Variants in DCDC1 observed in about 807,000 individuals in gnomAD.
DCDC1 encodes doublecortin domain-containing protein 1.
Under a neutral mutation model 178.3 loss-of-function variants are expected in DCDC1, and 200 were observed. The observed-to-expected ratio is 1.12, with a 90% confidence interval of 1.00 to 1.26. DCDC1 has a LOEUF of 1.26. Among genes scored for constraint, DCDC1 ranks in the 50% most tolerant of loss-of-function variants. The pLI, the probability that DCDC1 is intolerant of heterozygous loss-of-function variation, is 0.00. For missense variants in DCDC1, 1,983 were observed against 1,749.2 expected, an observed-to-expected ratio of 1.13 and a Z score of -2.38; for synonymous variants, 690 against 604.8, an observed-to-expected ratio of 1.14 and a Z score of -2.07.
chr11:31,306,179 A>G, intron 5 of DCDC1, 53 bp downstream of exon 5: 2 of 1,392,032 alleles, frequency 1.4e-6, no homozygotes, highest in East Asian at 5.2e-5. Context: ...TTATATTATA[A>G]AGAGAGTAAG....
Position 31,164,500 on chromosome 11 carries a change from C to G in DCDC1, c.1222-26716G>C, listed in dbSNP as rs529458051. Among the ~76,000 whole-genome samples the G allele has an allele frequency of 1.1e-3, 163 of 152,124 alleles. 2 individuals are homozygous for G. The highest frequency in any genetic ancestry group is 3.6e-3 in the African/African-American group (151 of 41,492). On this transcript the variant is annotated intron_variant, in intron 9 of 38. Transcript: ENST00000684477. ...GACAGTGTTATTGATCATCCTGACCCTGAATAGGCCCAGCCTAATATGTGT... is the reference window on the plus strand; with the variant it reads ...GACAGTGTTATTGATCATCCTGACCGTGAATAGGCCCAGCCTAATATGTGT...
At position 31,290,773 on chromosome 11, in the gene DCDC1, G is replaced by C; in HGVS notation, c.834C>G (p.Thr278=). The change falls in exon 7 of 39, where the codon ACC becomes ACG. Residue 278 remains threonine, a synonymous_variant. Coordinates refer to ENST00000684477, the MANE Select transcript of DCDC1 (RefSeq NM_001387274.1). ...MLPTDIKRRK[T]KPVLSIRMKK... The stretch of plus-strand genomic sequence containing the variant: ...TCATTCTAATAGAAAGAACAGGCTT[G>C]GTTTTCCGTCTTTTGATATCAGTAG... The C allele has an allele frequency of 6.2e-7, 1 of 1,613,330 alleles. No homozygotes were observed. The highest frequency in any genetic ancestry group is 8.5e-7 in the Non-Finnish European group (1 of 1,179,546).
At position 31,285,556 on chromosome 11, in the gene DCDC1, A is replaced by G. The variant is rs560378705; in HGVS notation, c.960+5091T>C. ...GTGAACATTCTGCAATCGTACCATT[A>G]TATTGTGTTATTTCAATTGAATTGG... On this transcript the variant is annotated intron_variant, in intron 7 of 38. Coordinates refer to ENST00000684477, the MANE Select transcript of DCDC1 (RefSeq NM_001387274.1). Among the ~76,000 whole-genome samples, 29 of 152,236 alleles carry G rather than the reference A, an allele frequency of 1.9e-4. No homozygotes were observed. In the East Asian group the frequency reaches 5.2e-3, roughly 27 times the overall value.
intron 32 of DCDC1, among the ~76,000 whole-genome samples, chr11:30,901,944 A>G (rs1944705015): frequency 6.6e-6 from 1 of 152,110 alleles, no homozygotes; most frequent in Admixed American, 6.6e-5. Flanking sequence ...TCTAAGTTAT[A>G]TATGTGCGTG....
chr11:30,892,863 G>A lies in DCDC1; in HGVS notation c.5037C>T (p.Gly1679=), dbSNP rs1036016331. 6.2e-7 allele frequency: 1 copy of A among 1,613,718 alleles called. No homozygotes were observed. The highest frequency in any genetic ancestry group is 1.3e-5 in the African/African-American group (1 of 74,882). ...AGGCATAAGTGCCATCTTCAGGTCT[G>A]CCTCCATTTAGATAAATCCACACTC... ...TKRVWIYLNG[G]RPEDGTYAWG... is the part of the protein sequence containing the mutation. The change falls in exon 36 of 39, where the codon GGC becomes GGT. Residue 1679 remains glycine (G), a synonymous_variant. Transcript: ENST00000684477.
chr11:31,157,176 T>TA (rs1452518067), intron 9 of DCDC1, among the ~76,000 whole-genome samples: 2 of 151,034 alleles, frequency 1.3e-5, no homozygotes, highest in Non-Finnish European at 3.0e-5. Flanking sequence ...GCCAGGAGTT[T>TA]GAGACCAGAC....
chr11:31,029,486 A>G (rs956706182), intron 20 of DCDC1, among the ~76,000 whole-genome samples: 2 of 152,118 alleles, frequency 1.3e-5, no homozygotes, highest in Non-Finnish European at 2.9e-5. Context: ...GATGCCTATG[A>G]TATTTCATTT....
chr11:31,214,238 A>G (rs1315698151), intron 9 of DCDC1, among the ~76,000 whole-genome samples: 1 of 152,182 alleles, frequency 6.6e-6, no homozygotes, highest in Non-Finnish European at 1.5e-5. Flanking sequence ...CTCCCAGACT[A>G]TTACAAAATA....
intron 13 of DCDC1, among the ~76,000 whole-genome samples, chr11:31,104,106 A>G (rs1958691527): frequency 6.6e-6 from 1 of 152,196 alleles, no homozygotes; most frequent in Non-Finnish European, 1.5e-5. Flanking sequence ...CAATACATCT[A>G]TAGTAATCTT....
chr11:31,300,983 A>T (rs1948074510), intron 6 of DCDC1, among the ~76,000 whole-genome samples: 1 of 152,204 alleles, frequency 6.6e-6, no homozygotes, highest in Admixed American at 6.5e-5. Flanking sequence ...TTTCCTACTG[A>T]CTAAGAACAC....
chr11:31,327,198 C>T (rs546886536), intron 3 of DCDC1, among the ~76,000 whole-genome samples: 2 of 152,192 alleles, frequency 1.3e-5, no homozygotes, highest in South Asian at 2.1e-4. Context: ...GACAGAGTTT[C>T]GCTCTTGTTA....
chr11:31,177,514 C>CT (rs1968210658), intron 9 of DCDC1, among the ~76,000 whole-genome samples: 1 of 152,076 alleles, frequency 6.6e-6, no homozygotes, highest in Admixed American at 6.5e-5. Context: ...AGGAGTAAGT[C>CT]CTTATCCATC....
At chr11:31,229,777 T>C (rs777430693) in intron 9 of DCDC1, among the ~76,000 whole-genome samples, 2 of 152,074 alleles carry the variant, frequency 1.3e-5, no homozygotes, top group Non-Finnish European at 2.9e-5. Flanking sequence ...GAAAACACAA[T>C]GATGATCTGA....
intron 15 of DCDC1, among the ~76,000 whole-genome samples, chr11:31,095,358 C>T (rs868776535): frequency 6.6e-6 from 1 of 152,146 alleles, no homozygotes; most frequent in Non-Finnish European, 1.5e-5. Flanking sequence ...TGAGGAATCG[C>T]CACACTGTCT....
intron 20 of DCDC1, among the ~76,000 whole-genome samples, chr11:31,015,507 G>C (rs2135152859): frequency 6.6e-6 from 1 of 152,084 alleles, no homozygotes; most frequent in East Asian, 1.9e-4. Flanking sequence ...CTCCACCTGT[G>C]TTCTATCTGA....
At chr11:30,878,450 T>C in intron 38 of DCDC1, 94 bp downstream of exon 38, 1 of 1,204,570 alleles carries the variant, frequency 8.3e-7, no homozygotes, top group Non-Finnish European at 1.1e-6. Flanking sequence ...CAAGAACCTG[T>C]CTCAGAAAAG....
chr11:31,043,520 T>A (rs1266373257), intron 20 of DCDC1, among the ~76,000 whole-genome samples: 1 of 152,012 alleles, frequency 6.6e-6, no homozygotes, highest in Non-Finnish European at 1.5e-5. Flanking sequence ...TCAGGTTACA[T>A]GCTTAAATCA....
At chr11:31,043,843 A>G (rs1246059962) in intron 20 of DCDC1, among the ~76,000 whole-genome samples, 4 of 137,772 alleles carry the variant, frequency 2.9e-5, no homozygotes, top group African/African-American at 5.4e-5. Context: ...TTTGTACCTT[A>G]TAAGTGCTAT....
chr11:31,254,084 A>C (rs1446338487), intron 8 of DCDC1, among the ~76,000 whole-genome samples: 1 of 152,210 alleles, frequency 6.6e-6, no homozygotes, highest in Non-Finnish European at 1.5e-5. Context: ...AAAATAATAC[A>C]CTGAAAGTTG....
Sources: gnomAD v4.1 joint callset for allele counts (sites outside exome capture counted in the v4.1 genomes callset) on GRCh38, gnomAD v4.1.1 for gene constraint, MANE v1.5 for transcripts, NCBI Gene and HGNC (gene_info 2026-07-23, HGNC 2026-07-21) for gene names.